Variants in CACNA2D3 observed in about 807,000 individuals in gnomAD.
The protein encoded by CACNA2D3 is calcium voltage-gated channel auxiliary subunit alpha2delta 3.
In CACNA2D3, 60 loss-of-function variants were observed where a neutral mutation model predicts 160.6. The observed-to-expected ratio is 0.37, with a 90% CI of 0.30 to 0.46. CACNA2D3 has a LOEUF of 0.46. CACNA2D3 is among the 20% of genes least tolerant of loss of function. The pLI is 1.00. For synonymous variants in CACNA2D3, 558 were observed against 492.9 expected, an observed-to-expected ratio of 1.13 and a Z score of -1.75; for missense variants, 1,205 against 1,365.0, an observed-to-expected ratio of 0.88 and a Z score of 1.85.
At chr3:54,802,155 G>T (rs1703005645) in intron 13 of CACNA2D3, among the ~76,000 whole-genome samples, 1 of 152,094 alleles carries the variant, frequency 6.6e-6, no homozygotes, top group South Asian at 2.1e-4. Flanking sequence ...ATAGCAAGGG[G>T]TTAGCTGAAG....
chr3:55,015,178 A>G (rs914744706), intron 34 of CACNA2D3, among the ~76,000 whole-genome samples: 2 of 152,224 alleles, frequency 1.3e-5, no homozygotes, highest in African/African-American at 2.4e-5. Flanking sequence ...TGCCTATCTC[A>G]GCCTGACCCA....
At chr3:55,013,090 A>G (rs941735712) in intron 34 of CACNA2D3, among the ~76,000 whole-genome samples, 2 of 152,228 alleles carry the variant, frequency 1.3e-5, no homozygotes, top group African/African-American at 4.8e-5. Flanking sequence ...CACAGACTAC[A>G]GAGAGACCTT....
chr3:54,336,845 T>C (rs1704392115), intron 3 of CACNA2D3, among the ~76,000 whole-genome samples: 1 of 152,168 alleles, frequency 6.6e-6, no homozygotes, highest in Non-Finnish European at 1.5e-5. Context: ...GTAGCATCTA[T>C]ATAAATTAAA....
At chr3:54,990,077 CA>C (rs2107112826) in intron 31 of CACNA2D3, among the ~76,000 whole-genome samples, 1 of 152,330 alleles carries the variant, frequency 6.6e-6, no homozygotes, top group African/African-American at 2.4e-5. Context: ...AGCCCACCCT[CA>C]AACATGGGTT....
chr3:54,200,453 G>A (rs1305099153), intron 2 of CACNA2D3, among the ~76,000 whole-genome samples: 1 of 152,170 alleles, frequency 6.6e-6, no homozygotes, highest in Non-Finnish European at 1.5e-5. Flanking sequence ...CCAACTAGGA[G>A]AAAAGTAATT....
chr3:54,809,326 T>TC (rs1559590283), intron 13 of CACNA2D3, among the ~76,000 whole-genome samples: 1 of 120,098 alleles, frequency 8.3e-6, no homozygotes, highest in African/African-American at 3.6e-5. Context: ...TTTTTTTTTT[T>TC]TTTGAGACGG....
At chr3:54,211,977 G>C (rs1374954427) in intron 2 of CACNA2D3, among the ~76,000 whole-genome samples, 3 of 152,204 alleles carry the variant, frequency 2.0e-5, no homozygotes, top group Non-Finnish European at 2.9e-5. Context: ...AGACTGCAGA[G>C]AAGGGACAGA....
chr3:54,468,510 G>T (rs1471832700), intron 4 of CACNA2D3, among the ~76,000 whole-genome samples: 1 of 152,214 alleles, frequency 6.6e-6, no homozygotes, highest in African/African-American at 2.4e-5. Context: ...GCAGCCGTTT[G>T]GTCAGACACT....
chr3:54,494,807 G>C (rs1399085203), intron 4 of CACNA2D3, among the ~76,000 whole-genome samples: 2 of 152,152 alleles, frequency 1.3e-5, no homozygotes, highest in Admixed American at 6.5e-5. Flanking sequence ...AAGCAGGCCT[G>C]TCTTACATGG....
intron 2 of CACNA2D3, among the ~76,000 whole-genome samples, chr3:54,146,657 G>T (rs979622561): frequency 3.9e-5 from 6 of 152,346 alleles, no homozygotes; most frequent in Middle Eastern, 3.4e-3. Flanking sequence ...CACACATCCA[G>T]CAGGGCCCAT....
chr3:54,401,110 T>A (rs1305657249), intron 4 of CACNA2D3, among the ~76,000 whole-genome samples: 1 of 151,690 alleles, frequency 6.6e-6, no homozygotes, highest in South Asian at 2.1e-4. Context: ...AAAACTATAA[T>A]AGAAAACTTC....
At chr3:54,792,661 G>A (rs1328633700) in intron 13 of CACNA2D3, among the ~76,000 whole-genome samples, 2 of 152,042 alleles carry the variant, frequency 1.3e-5, no homozygotes, top group South Asian at 4.2e-4. Flanking sequence ...TACCAGTATA[G>A]CCCTCTGCCC....
intron 3 of CACNA2D3, among the ~76,000 whole-genome samples, chr3:54,324,788 A>T (rs1447787823): frequency 6.6e-6 from 1 of 152,194 alleles, no homozygotes; most frequent in African/African-American, 2.4e-5. Context: ...TAGTTCATTA[A>T]CATTTCAAGG....
At chr3:54,729,998 C>CAA (rs56364535) in intron 11 of CACNA2D3, among the ~76,000 whole-genome samples, 18 of 109,448 alleles carry the variant, frequency 1.6e-4, no homozygotes, top group South Asian at 6.5e-4. Context: ...GACTCCATCT[C>CAA]AAAAAAAAAA....
chr3:54,825,184 G>A (rs544267527), intron 14 of CACNA2D3, among the ~76,000 whole-genome samples: 5 of 152,262 alleles, frequency 3.3e-5, no homozygotes, highest in African/African-American at 1.2e-4. Flanking sequence ...AAACATCTGA[G>A]TAAAAACAAT....
intron 35 of CACNA2D3, among the ~76,000 whole-genome samples, chr3:55,041,484 T>C (rs762855478): frequency 6.6e-6 from 1 of 152,218 alleles, no homozygotes; most frequent in Non-Finnish European, 1.5e-5. Context: ...TGCTAACTTA[T>C]TGTAGTTCCA....
chr3:54,845,522 G>A (rs927745914), intron 16 of CACNA2D3, among the ~76,000 whole-genome samples: 1 of 152,178 alleles, frequency 6.6e-6, no homozygotes, highest in African/African-American at 2.4e-5. Flanking sequence ...ATCAGTATGG[G>A]TTTTATGCCA....
rs377760900 is a variant in CACNA2D3 at position 55,039,803 on chromosome 3, G to C, written c.2987+21486G>C. On this transcript the variant is annotated intron_variant, in intron 35 of 37. Transcript: ENST00000474759. The stretch of plus-strand genomic sequence containing the variant: ...TAATGGCTTTGCCAAAATCTTTTAA[G>C]TCTTTTTAGGAGTCAAACCTAGGAA... Among the ~76,000 whole-genome samples the C allele has an allele frequency of 2.0e-3, 307 of 152,302 alleles. 1 individual carries two copies. The highest frequency in any genetic ancestry group is 7.0e-3 in the African/African-American group (291 of 41,568).
chr3:54,232,947 C>A (rs1257447068), intron 2 of CACNA2D3, among the ~76,000 whole-genome samples: 1 of 152,320 alleles, frequency 6.6e-6, no homozygotes, highest in South Asian at 2.1e-4. Flanking sequence ...CCCATCTCTA[C>A]TCCCAAGGAG....
Sources: gnomAD v4.1 joint callset for allele counts (sites outside exome capture counted in the v4.1 genomes callset) on GRCh38, gnomAD v4.1.1 for gene constraint, MANE v1.5 for transcripts, NCBI Gene and HGNC (gene_info 2026-07-23, HGNC 2026-07-21) for gene names.